The following SLC9B2 variants were observed in gnomAD, a reference collection of about 807,000 sequenced individuals.
The protein encoded by SLC9B2 is sodium/hydrogen exchanger 9B2.
A neutral mutation model predicts 52.2 loss-of-function variants in SLC9B2; 39 were observed. That is an observed-to-expected ratio of 0.75 (90% CI 0.58 to 0.98). The LOEUF is 0.98. Among genes scored for constraint, SLC9B2 ranks in the 50% least tolerant of loss-of-function variants. SLC9B2 has a pLI of 0.00. For synonymous variants in SLC9B2, 214 were observed against 227.0 expected (o/e 0.94, Z 0.51); for missense variants, 626 against 637.5 (o/e 0.98, Z 0.19).
At chr4:103,034,454 G>A (rs1422814137) in intron 9 of SLC9B2, among the ~76,000 whole-genome samples, 1 of 152,036 alleles carries the variant, frequency 6.6e-6, no homozygotes, top group Non-Finnish European at 1.5e-5. Context: ...TTGACAAATG[G>A]GACCTTCTTA....
chr4:103,047,380 GT>G (rs143450008), intron 6 of SLC9B2, among the ~76,000 whole-genome samples, 154 bp from the exon 7 acceptor site: 2,634 of 148,494 alleles, frequency 0.018, 61 homozygotes, highest in African/African-American at 0.058. Context: ...AATAAGAATT[GT>G]TTTTTGTTTT....
Position 103,026,423 on chromosome 4 carries a change from C to G in SLC9B2, c.1561G>C (p.Glu521Gln). ...LLGPRLLQKVEHQNKDEEVQG... is the reference protein window; with the variant it reads ...LLGPRLLQKVQHQNKDEEVQG... ...ACTTCTTCATCTTTATTTTGATGTT[C>G]AACTTTCTGCAGAAGCCTGGGGCCC... is the stretch of plus-strand genomic sequence containing the variant. Residue 521 changes from glutamate (E) to glutamine (Q), a missense_variant, in exon 12 of 12, where the codon GAA (glutamate) becomes CAA (glutamine). Physicochemically the swap from Glu to Gln is conservative, Grantham distance 29. Transcript: ENST00000394785. The G allele has an allele frequency of 6.2e-7, 1 of 1,613,718 alleles. No homozygotes were observed. The highest frequency in any genetic ancestry group is 2.2e-5 in the East Asian group (1 of 44,864).
intron 1 of SLC9B2, among the ~76,000 whole-genome samples, chr4:103,073,030 T>C (rs1239884351): frequency 6.6e-6 from 1 of 152,222 alleles, no homozygotes; most frequent in Admixed American, 6.5e-5. Flanking sequence ...TTCCTCCATG[T>C]GAAGAAGACA....
intron 4 of SLC9B2, among the ~76,000 whole-genome samples, chr4:103,052,615 T>C (rs1744785441): frequency 6.6e-6 from 1 of 152,134 alleles, no homozygotes; most frequent in South Asian, 2.1e-4. Flanking sequence ...CACTCCTAAA[T>C]TAACAATGGC....
chr4:103,031,030 G>A (rs1159521715), intron 10 of SLC9B2, among the ~76,000 whole-genome samples: 2 of 152,046 alleles, frequency 1.3e-5, no homozygotes, highest in Non-Finnish European at 2.9e-5. Flanking sequence ...TAAGATAAGA[G>A]AGATTGGAGA....
chr4:103,036,089 C>T (rs1304991179), intron 9 of SLC9B2, among the ~76,000 whole-genome samples: 2 of 152,144 alleles, frequency 1.3e-5, no homozygotes, highest in Non-Finnish European at 2.9e-5. Context: ...AATAAAGCTG[C>T]ACCCCTACAA....
At chr4:103,043,566 A>ATTTT in intron 8 of SLC9B2, 121 bp from the exon 9 acceptor site, 4 of 900,038 alleles carry the variant, frequency 4.4e-6, no homozygotes, top group Non-Finnish European at 6.5e-6. Context: ...ATAAATAGAC[A>ATTTT]AAACAAGTGC....
At chr4:103,068,275 T>G (rs1746322232) in intron 1 of SLC9B2, among the ~76,000 whole-genome samples, 1 of 152,202 alleles carries the variant, frequency 6.6e-6, no homozygotes, top group African/African-American at 2.4e-5. Context: ...AACACTCACT[T>G]CAACACATTC....
rs574888717 is a variant in SLC9B2, at chr4:103,076,696, C to A, written c.-555G>T. Reference sequence around the variant, plus strand: ...TTCTGGGGCCAGGACCAGCGAGCTCCCGGGAAAGCTTCCCGGAAAGCTTAC... The same window carrying A: ...TTCTGGGGCCAGGACCAGCGAGCTCACGGGAAAGCTTCCCGGAAAGCTTAC... On this transcript the variant is annotated 5_prime_UTR_variant, in exon 1 of 12. Transcript: ENST00000394785. The A allele has an allele frequency of 6.6e-6, 1 of 152,284 alleles. No homozygotes were observed. Among genetic ancestry groups the A allele is most frequent in the East Asian group, 1.9e-4 (1 of 5,190 alleles). The allele number at this position is 152,284 out of a possible 1,614,324, so 9.4% of individuals were successfully genotyped here.
At chr4:103,056,375 G>A (rs1303946799) in intron 4 of SLC9B2, among the ~76,000 whole-genome samples, 4 of 152,116 alleles carry the variant, frequency 2.6e-5, no homozygotes, top group African/African-American at 9.6e-5. Context: ...AGCCTCCCAA[G>A]TAGCTGGGAT....
chr4:103,054,046 G>C (rs72665026), intron 4 of SLC9B2, among the ~76,000 whole-genome samples: 1 of 152,056 alleles, frequency 6.6e-6, no homozygotes, highest in African/African-American at 2.4e-5. Flanking sequence ...GGGAAGCCAA[G>C]ATACGAGGAT....
intron 11 of SLC9B2, among the ~76,000 whole-genome samples, chr4:103,027,415 G>C (rs540313071): frequency 6.6e-6 from 1 of 152,260 alleles, no homozygotes; most frequent in African/African-American, 2.4e-5. Flanking sequence ...TTGACAACTT[G>C]AAGTTGATCT....
At chr4:103,019,824 T>G (rs1355693963), downstream of SLC9B2, 2 of 985,516 alleles carry the variant, frequency 2.0e-6, no homozygotes, top group Non-Finnish European at 2.4e-6. Flanking sequence ...GACTGTCTGG[T>G]GTGTTTTCTG....
intron 3 of SLC9B2, among the ~76,000 whole-genome samples, chr4:103,061,586 C>A (rs905819073): frequency 1.3e-5 from 2 of 152,044 alleles, no homozygotes; most frequent in African/African-American, 2.4e-5. Context: ...GTGCTGCACA[C>A]CAACATGGCA....
intron 3 of SLC9B2, among the ~76,000 whole-genome samples, chr4:103,058,840 T>C (rs1745386232): frequency 2.0e-5 from 3 of 152,110 alleles, no homozygotes; most frequent in African/African-American, 2.4e-5. Flanking sequence ...GGCAGGAGGA[T>C]TGCTTGAGCT....
chr4:103,051,850 C>T (rs1334203494), intron 4 of SLC9B2, among the ~76,000 whole-genome samples: 1 of 152,082 alleles, frequency 6.6e-6, no homozygotes, highest in Non-Finnish European at 1.5e-5. Flanking sequence ...AATAATATAT[C>T]CTGGACATTT....
chr4:103,054,276 A>AAAAAC lies in SLC9B2; in HGVS notation c.442+3520_442+3524dup, dbSNP rs756238820. On this transcript the variant is annotated intron_variant, in intron 4 of 11. Coordinates refer to ENST00000394785, the MANE Select transcript of SLC9B2 (RefSeq NM_178833.7). ...CCCTGGGCAAATGAGACCCTGTCTC[A>AAAAAC]AAAACAAAACAAAACAAAACAACCA... is the stretch of plus-strand genomic sequence containing the variant. Among the ~76,000 whole-genome samples, 58 of 152,282 alleles carry AAAAAC rather than the reference A, an allele frequency of 3.8e-4. 1 individual carries two copies. The highest frequency in any genetic ancestry group is 3.3e-3 in the Admixed American group (50 of 15,294).
intron 10 of SLC9B2, 120 bp from the exon 11 acceptor site, chr4:103,029,003 A>G: frequency 1.2e-6 from 1 of 836,192 alleles, no homozygotes; most frequent in Non-Finnish European, 1.7e-6. Flanking sequence ...AAAATTACAA[A>G]TACAAAAATG....
At chr4:103,028,966 T>C in intron 10 of SLC9B2, 83 bp from the exon 11 acceptor site, 1 of 1,161,238 alleles carries the variant, frequency 8.6e-7, no homozygotes, top group Non-Finnish European at 1.2e-6. Flanking sequence ...AAAATAACCA[T>C]CAACAGAAAT....
Sources: gnomAD v4.1 joint callset for allele counts (sites outside exome capture counted in the v4.1 genomes callset) on GRCh38, gnomAD v4.1.1 for gene constraint, MANE v1.5 for transcripts, NCBI Gene and HGNC (gene_info 2026-07-23, HGNC 2026-07-21) for gene names.